RUSC2: variants seen among roughly 807,000 people sequenced by gnomAD.
The protein encoded by RUSC2 is AP-4 complex accessory subunit RUSC2.
Under a neutral mutation model 122.2 loss-of-function variants are expected in RUSC2, and 34 were observed. The ratio of observed to expected loss-of-function variants is 0.28; its 90% confidence interval spans 0.21 to 0.37. RUSC2 has a LOEUF of 0.37. Ranked by LOEUF, RUSC2 falls within the 10% of genes least tolerant of loss-of-function variation. The pLI is 1.00. For synonymous variants in RUSC2, 784 were observed against 790.0 expected, an observed-to-expected ratio of 0.99 and a Z score of 0.13; for missense variants, 1,747 against 1,952.4, an observed-to-expected ratio of 0.89 and a Z score of 1.98.
chr9:35,502,680 G>T (rs1428251482), intron 1 of RUSC2, among the ~76,000 whole-genome samples: 3 of 152,040 alleles, frequency 2.0e-5, no homozygotes, highest in African/African-American at 4.8e-5. Context: ...AGATATCATT[G>T]AACAGTTCTT....
intron 1 of RUSC2, among the ~76,000 whole-genome samples, chr9:35,508,370 C>T (rs1001207467): frequency 1.4e-4 from 22 of 152,234 alleles, no homozygotes; most frequent in African/African-American, 4.8e-4. Context: ...TTCCTCCACA[C>T]ATGCCTGTGA....
rs753120086 is a variant in RUSC2 at position 35,555,013 on chromosome 9, G to A, written c.2015-47G>A. On this transcript the variant is annotated intron_variant, in intron 2 of 11. Transcript: ENST00000361226. The surrounding 1 kb of genome is among the most constrained non-coding windows in gnomAD (Gnocchi z 4.6). ...CTGCTTCTGGGTTTTCTCTCATATGGGTTTCAGTGTCTGTCTACTGATTTC... is the reference window on the plus strand; with the variant it reads ...CTGCTTCTGGGTTTTCTCTCATATGAGTTTCAGTGTCTGTCTACTGATTTC... 3.1e-6 allele frequency: 5 copies of A among 1,600,756 alleles called. No individual in the cohort carries two copies. The highest frequency in any genetic ancestry group is 3.4e-6 in the Non-Finnish European group (4 of 1,177,906).
chr9:35,499,097 G>A (rs933891585), intron 1 of RUSC2, among the ~76,000 whole-genome samples: 1 of 151,950 alleles, frequency 6.6e-6, no homozygotes, highest in Non-Finnish European at 1.5e-5. Flanking sequence ...GACCAGCCTG[G>A]GCAACATGGT....
At position 35,560,946 on chromosome 9, in the gene RUSC2, G is replaced by A. The variant is rs1161689274; in HGVS notation, c.4212-14G>A. 3 of 1,612,190 alleles carry A rather than the reference G, an allele frequency of 1.9e-6. No homozygotes were observed. The highest frequency in any genetic ancestry group is 2.7e-5 in the African/African-American group (2 of 75,068). The stretch of plus-strand genomic sequence containing the variant: ...CCATCCTGGGCAGAGCCTGAGTCCA[G>A]CTGCTGTCCCTAGGCTCCCCTCGGA... On this transcript the variant is annotated splice_polypyrimidine_tract_variant and intron_variant, in intron 10 of 11. Coordinates refer to ENST00000361226, the MANE Select transcript of RUSC2 (RefSeq NM_014806.5).
intron 1 of RUSC2, among the ~76,000 whole-genome samples, chr9:35,531,129 C>T (rs898357398): frequency 1.4e-4 from 21 of 151,938 alleles, no homozygotes; most frequent in South Asian, 2.1e-4. Flanking sequence ...GGCTTGGTGT[C>T]GGGTACCTGT....
chr9:35,527,420 C>A (rs1174987830), intron 1 of RUSC2, among the ~76,000 whole-genome samples: 1 of 152,122 alleles, frequency 6.6e-6, no homozygotes, highest in East Asian at 1.9e-4. Context: ...CTGCCTCAGC[C>A]TCCCAAAGTG....
Position 35,559,392 on chromosome 9 carries a change from C to A in RUSC2, c.3388+120C>A, listed in dbSNP as rs1289121950. 1.2e-5 allele frequency: 10 copies of A among 837,458 alleles called. No homozygotes were observed. In the East Asian group the frequency reaches 2.6e-4, roughly 21 times the overall value. The allele number at this position is 837,458 out of a possible 1,614,324, so 51.9% of individuals were successfully genotyped here. On this transcript the variant is annotated intron_variant, in intron 9 of 11. Transcript: ENST00000361226. ...GGAGGGGGACCACACAAGCGTTCAT[C>A]CTCAGAGCCTCAGGCTTCCACCCAA...
At position 35,491,542 on chromosome 9, in the gene RUSC2, T is replaced by G. The variant is rs73496830; in HGVS notation, c.-93+1370T>G. Reference sequence around the variant, plus strand: ...TTCTGTGCTGGTATTTAAGATTCCTTTTTGAAGCCACAGTTGCCTTAACTG... The same window carrying G: ...TTCTGTGCTGGTATTTAAGATTCCTGTTTGAAGCCACAGTTGCCTTAACTG... On this transcript the variant is annotated intron_variant, in intron 1 of 11. Transcript: ENST00000361226. Among the ~76,000 whole-genome samples, 346 of 152,322 alleles carry G rather than the reference T, an allele frequency of 2.3e-3. 4 individuals are homozygous for G. The highest frequency in any genetic ancestry group is 8.0e-3 in the African/African-American group (333 of 41,566).
At position 35,546,625 on chromosome 9, in the gene RUSC2, G is replaced by T; in HGVS notation, c.104G>T (p.Gly35Val). The stretch of plus-strand genomic sequence containing the variant: ...AGGCAGTGCTGTGGAGGGGCAGGTG[G>T]AGGTGGTGGGAGCACAAGACCTAAT... ...PDRQCCGGAG[G>V]GGGSTRPNPF... The change falls in exon 2 of 12, where the codon GGA becomes GTA. Residue 35 changes from glycine (G) to valine (V), a missense_variant. Transcript: ENST00000361226. This position sits in a 1 kb window ranked among gnomAD's most constrained non-coding sequence, Gnocchi z 4.3. 6.4e-7 allele frequency: 1 copy of T among 1,563,354 alleles called. No homozygotes were observed. The highest frequency in any genetic ancestry group is 8.6e-7 in the Non-Finnish European group (1 of 1,156,128).
chr9:35,561,137 G>A (rs781336543), intron 11 of RUSC2, 40 bp downstream of exon 11: 1 of 1,613,344 alleles, frequency 6.2e-7, no homozygotes, highest in South Asian at 1.1e-5. Context: ...GGGGCGGGGG[G>A]CTTTTGAGGG....
chr9:35,534,306 G>T (rs1006580293), intron 1 of RUSC2, among the ~76,000 whole-genome samples: 14 of 152,084 alleles, frequency 9.2e-5, no homozygotes, highest in African/African-American at 3.4e-4. Flanking sequence ...CAGGCATGGT[G>T]GCTCATGCCT....
intron 1 of RUSC2, among the ~76,000 whole-genome samples, chr9:35,503,141 C>T (rs182521531): frequency 1.3e-5 from 2 of 152,264 alleles, no homozygotes; most frequent in East Asian, 1.9e-4. Flanking sequence ...GGATTACAGG[C>T]GTGAGCCACC....
At chr9:35,556,184 G>T in intron 4 of RUSC2, 47 bp downstream of exon 4, 1 of 1,605,104 alleles carries the variant, frequency 6.2e-7, no homozygotes, top group Non-Finnish European at 8.5e-7. Flanking sequence ...CTCTGCCATG[G>T]CTGGAAAGGG....
intron 1 of RUSC2, among the ~76,000 whole-genome samples, chr9:35,536,605 G>C (rs962844521): frequency 5.9e-5 from 9 of 152,036 alleles, no homozygotes; most frequent in Non-Finnish European, 1.2e-4. Context: ...CTGAGGTCAG[G>C]AGTTCAAAAC....
In RUSC2 at chr9:35,502,678, T is replaced by C. The variant is rs554005278; in HGVS notation, c.-93+12506T>C. ...ACAAGTATAAAATGAAAAGATATCA[T>C]TGAACAGTTCTTAGAGGCCAAAATT... On this transcript the variant is annotated intron_variant, in intron 1 of 11. Transcript: ENST00000361226. 2.0e-5 allele frequency among the ~76,000 whole-genome samples: 3 copies of C among 152,314 alleles called. No individual in the cohort carries two copies. In the South Asian group the frequency reaches 6.2e-4, roughly 32 times the overall value.
intron 1 of RUSC2, among the ~76,000 whole-genome samples, chr9:35,493,725 A>G (rs1038415380): frequency 6.6e-6 from 1 of 152,104 alleles, no homozygotes; most frequent in East Asian, 1.9e-4. Context: ...CTGGTCTCGA[A>G]CTTCTGACCT....
chr9:35,549,118 G>A (rs1821834229), intron 2 of RUSC2: 2 of 984,876 alleles, frequency 2.0e-6, no homozygotes, highest in African/African-American at 3.5e-5. Flanking sequence ...GGATTCAGAA[G>A]ACTGATTCTG....
At chr9:35,540,789 G>A (rs1821627794) in intron 1 of RUSC2, among the ~76,000 whole-genome samples, 1 of 152,228 alleles carries the variant, frequency 6.6e-6, no homozygotes, top group African/African-American at 2.4e-5. Flanking sequence ...ACTTTAGGAA[G>A]AGGGTGTGGC....
At chr9:35,525,575 G>A (rs994245768) in intron 1 of RUSC2, among the ~76,000 whole-genome samples, 36 of 152,000 alleles carry the variant, frequency 2.4e-4, no homozygotes, top group East Asian at 7.7e-4. Flanking sequence ...CGAGGCAGGC[G>A]GATCACCTGA....
Sources: allele counts gnomAD v4.1 joint callset (sites outside exome capture counted in the v4.1 genomes callset), GRCh38; gene constraint gnomAD v4.1.1; non-coding constraint Gnocchi (gnomAD v3.1); transcripts MANE v1.5; gene names NCBI Gene and HGNC (gene_info 2026-07-23, HGNC 2026-07-21).